Variants in ZNF782 observed in about 807,000 individuals in gnomAD.
The protein encoded by ZNF782 is zinc finger protein 782.
ZNF782 carries 12 observed loss-of-function variants against 13.0 expected under a neutral mutation model. The ratio of observed to expected loss-of-function variants is 0.92; its 90% CI spans 0.59 to 1.50. The LOEUF is 1.50. ZNF782 is among the 40% of genes most tolerant of loss of function. The pLI is 0.00. For missense variants in ZNF782, 770 were observed against 822.9 expected, an observed-to-expected ratio of 0.94 and a Z score of 0.79; for synonymous variants, 284 against 283.0, an observed-to-expected ratio of 1.00 and a Z score of -0.04.
the ZNF782 span, chr9:96,888,213 G>A: frequency 6.6e-6 from 1 of 151,284 alleles, no homozygotes; most frequent in African/African-American, 2.4e-5. Flanking sequence ...TAAAATAAAT[G>A]TACCATGCAA....
the ZNF782 span, among the ~76,000 whole-genome samples, chr9:96,916,465 G>A: frequency 6.6e-6 from 1 of 151,890 alleles, no homozygotes; most frequent in Non-Finnish European, 1.5e-5. Context: ...CTCCAGCCTG[G>A]ATGGCAGAGT....
At chr9:96,912,896 C>G in the ZNF782 span, among the ~76,000 whole-genome samples, 1 of 151,604 alleles carries the variant, frequency 6.6e-6, no homozygotes, top group Admixed American at 6.6e-5. Context: ...ATGCATGAAA[C>G]AATGTTGTCC....
At chr9:96,860,451 G>A (rs1851690923) in intron 2 of ZNF782, 1 of 152,272 alleles carries the variant, frequency 6.6e-6, no homozygotes, top group Non-Finnish European at 1.5e-5. Flanking sequence ...TTGTGGGAAA[G>A]TAAGGGAAGA....
intron 1 of ZNF782, among the ~76,000 whole-genome samples, chr9:96,874,131 A>G (rs571747454): frequency 6.6e-6 from 1 of 152,324 alleles, no homozygotes; most frequent in Admixed American, 6.5e-5. Flanking sequence ...ACCCATCAAT[A>G]CAAAAGAACA....
At chr9:96,829,107 T>C (rs1232293838) in intron 4 of ZNF782, among the ~76,000 whole-genome samples, 3 of 144,714 alleles carry the variant, frequency 2.1e-5, no homozygotes, top group African/African-American at 7.6e-5. Flanking sequence ...AAAAAAAAGC[T>C]GAAACAATTT....
the ZNF782 span, among the ~76,000 whole-genome samples, chr9:96,881,497 T>C: frequency 1.2e-4 from 19 of 152,256 alleles, no homozygotes; most frequent in African/African-American, 4.6e-4. Context: ...ATAGCTCTGC[T>C]GGTAATTGAT....
chr9:96,922,758 A>G, the ZNF782 span, among the ~76,000 whole-genome samples: 3 of 151,916 alleles, frequency 2.0e-5, no homozygotes, highest in Non-Finnish European at 4.4e-5. Flanking sequence ...TGGGCGACAG[A>G]GCGAGACTCC....
At chr9:96,844,779 A>G in intron 4 of ZNF782, 111 bp downstream of exon 4, 1 of 1,497,076 alleles carries the variant, frequency 6.7e-7, no homozygotes, top group Non-Finnish European at 9.2e-7. Flanking sequence ...ATAAAAAAGG[A>G]AAACCAGAAT....
chr9:96,860,614 G>T (rs978656203), intron 2 of ZNF782, among the ~76,000 whole-genome samples: 2 of 152,136 alleles, frequency 1.3e-5, no homozygotes, highest in South Asian at 2.1e-4. Flanking sequence ...AACTACAAAA[G>T]ACTCAGAATA....
rs913657455 is a variant in ZNF782 at position 96,850,613 on chromosome 9, TTCA to T, written c.15+1331_15+1333del. 6.6e-5 allele frequency among the ~76,000 whole-genome samples: 10 copies of T among 152,124 alleles called. No individual in the cohort carries two copies. Among genetic ancestry groups the T allele is most frequent in the Non-Finnish European group, 1.5e-4 (10 of 68,030 alleles). On this transcript the variant is annotated intron_variant, in intron 3 of 5. Transcript: ENST00000481138. The surrounding 1 kb of genome is among the most constrained non-coding windows in gnomAD (Gnocchi z 4.3). ...AATCTCAGAATTCACCACTATATAA[TTCA>T]TCCATGTAACAAGAAACCACTTGTA...
At chr9:96,920,591 C>T in the ZNF782 span, among the ~76,000 whole-genome samples, 2 of 148,054 alleles carry the variant, frequency 1.4e-5, no homozygotes, top group Admixed American at 1.3e-4. Flanking sequence ...AAAAATAAAA[C>T]ATCATTTAAC....
chr9:96,917,872 TACC>T, the ZNF782 span, among the ~76,000 whole-genome samples: 2 of 137,658 alleles, frequency 1.5e-5, no homozygotes, highest in Non-Finnish European at 3.0e-5. Flanking sequence ...TACAGATTCA[TACC>T]ACCACCCTTG....
chr9:96,892,628 T>G, the ZNF782 span: 1 of 152,206 alleles, frequency 6.6e-6, no homozygotes, highest in African/African-American at 2.4e-5. Context: ...ACTCTCTTCC[T>G]CCTCCTCCTT....
the ZNF782 span, among the ~76,000 whole-genome samples, chr9:96,880,996 T>C: frequency 6.6e-6 from 1 of 152,146 alleles, no homozygotes; most frequent in Non-Finnish European, 1.5e-5. Context: ...TTATAGTTGG[T>C]GAGTCTTCTT....
intron 5 of ZNF782, among the ~76,000 whole-genome samples, chr9:96,825,466 T>C (rs1432806542): frequency 6.6e-6 from 1 of 152,108 alleles, no homozygotes; most frequent in Non-Finnish European, 1.5e-5. Flanking sequence ...GAAGAAAACC[T>C]AGGCATTACC....
Position 96,851,968 on chromosome 9 carries a change from TGGCTCTTGGGA to T in ZNF782, c.-18_-8del. 1 of 1,614,060 alleles carries T rather than the reference TGGCTCTTGGGA, an allele frequency of 6.2e-7. No individual in the cohort carries two copies. The highest frequency in any genetic ancestry group is 8.5e-7 in the Non-Finnish European group (1 of 1,179,900). The stretch of plus-strand genomic sequence containing the variant: ...TTACCTGAAATGTGTTCATTTTCTG[TGGCTCTTGGGA>T]GAGTATAGAGAACTGTAAAGCCTCA... On this transcript the variant is annotated 5_prime_UTR_variant, in exon 3 of 6. Transcript: ENST00000481138.
intron 3 of ZNF782, among the ~76,000 whole-genome samples, chr9:96,846,321 G>A (rs530387782): frequency 1.2e-4 from 19 of 152,172 alleles, no homozygotes; most frequent in Admixed American, 2.6e-4. Flanking sequence ...GTGATGAAGA[G>A]AACAGTATCT....
chr9:96,923,045 C>T, the ZNF782 span, among the ~76,000 whole-genome samples: 2 of 146,944 alleles, frequency 1.4e-5, no homozygotes, highest in Middle Eastern at 3.4e-3. Flanking sequence ...CCTGTATAAA[C>T]ACAGAACCCC....
At chr9:96,930,886 T>G in the ZNF782 span, among the ~76,000 whole-genome samples, 3 of 70,692 alleles carry the variant, frequency 4.2e-5, no homozygotes, top group South Asian at 4.4e-4. Context: ...TTTTTTTTTT[T>G]TTTTTTTTTT....
Sources: allele counts gnomAD v4.1 joint callset (sites outside exome capture counted in the v4.1 genomes callset), GRCh38; gene constraint gnomAD v4.1.1; non-coding constraint Gnocchi (gnomAD v3.1); transcripts MANE v1.5; gene names NCBI Gene and HGNC (gene_info 2026-07-23, HGNC 2026-07-21).